KCNIP4: variants seen among roughly 807,000 people sequenced by gnomAD.
KCNIP4 encodes potassium voltage-gated channel interacting protein 4.
KCNIP4 carries 12 observed loss-of-function variants against 34.0 expected under a neutral mutation model. The ratio of observed to expected loss-of-function variants is 0.35; its 90% CI spans 0.23 to 0.57. KCNIP4 has a LOEUF of 0.57. Among genes scored for constraint, KCNIP4 ranks in the 20% least tolerant of loss-of-function variants. The probability of loss-of-function intolerance (pLI) is 0.83; values close to 1 mark genes in which losing one functional copy is unlikely to be tolerated. For missense variants in KCNIP4, 238 were observed against 311.7 expected (o/e 0.76, Z 1.78); for synonymous variants, 124 against 102.2 (o/e 1.21, Z -1.29).
chr4:21,725,733 A>T (rs907795887), intron 1 of KCNIP4, among the ~76,000 whole-genome samples: 2 of 152,180 alleles, frequency 1.3e-5, no homozygotes, highest in Admixed American at 6.6e-5. Flanking sequence ...ATTTCCCCTT[A>T]GAACAGTTCA....
chr4:21,097,196 A>T (rs1046994306), intron 1 of KCNIP4, among the ~76,000 whole-genome samples: 1 of 152,154 alleles, frequency 6.6e-6, no homozygotes, highest in Non-Finnish European at 1.5e-5. Flanking sequence ...AACAGGCCAA[A>T]TGTCCATCAG....
chr4:20,967,102 C>T (rs945761977), intron 1 of KCNIP4, among the ~76,000 whole-genome samples: 43 of 152,106 alleles, frequency 2.8e-4, no homozygotes. Context: ...TAAAAGGACC[C>T]TGGGCAACTC....
At chr4:21,224,096 C>A (rs1430753632) in intron 1 of KCNIP4, among the ~76,000 whole-genome samples, 2 of 152,116 alleles carry the variant, frequency 1.3e-5, no homozygotes, top group Admixed American at 1.3e-4. Flanking sequence ...GTTACCTCAT[C>A]CTCAGTTTTA....
rs28632151 is a variant in KCNIP4, at chr4:21,714,258, C to T, written c.61+234313G>A. 9.1e-3 allele frequency among the ~76,000 whole-genome samples: 1,383 copies of T among 152,236 alleles called. 23 individuals are homozygous for T. The highest frequency in any genetic ancestry group is 0.032 in the African/African-American group (1,320 of 41,524). The stretch of plus-strand genomic sequence containing the variant: ...CCTAGTGGTAAGTTCTCCCTCATAG[C>T]AGCTAGGAACATTCCATCTCTCCCT... On this transcript the variant is annotated intron_variant, in intron 1 of 8. Coordinates refer to ENST00000382152, the MANE Select transcript of KCNIP4 (RefSeq NM_025221.6).
intron 1 of KCNIP4, among the ~76,000 whole-genome samples, chr4:20,979,484 C>G (rs1347306770): frequency 1.3e-5 from 2 of 151,264 alleles, no homozygotes; most frequent in South Asian, 2.1e-4. Context: ...CTGCAAGCTC[C>G]GCCTCCCGGG....
intron 1 of KCNIP4, among the ~76,000 whole-genome samples, chr4:21,495,027 A>AGCAAGTTGTAAATATT (rs1732741131): frequency 6.6e-6 from 1 of 152,162 alleles, no homozygotes; most frequent in Non-Finnish European, 1.5e-5. Flanking sequence ...AAGACAGTAC[A>AGCAAGTTGTAAATATT]GCAAGTTGTA....
intron 1 of KCNIP4, among the ~76,000 whole-genome samples, chr4:21,854,627 C>G (rs1202047847): frequency 6.6e-6 from 1 of 152,166 alleles, no homozygotes; most frequent in East Asian, 1.9e-4. Flanking sequence ...CCTTGGCACA[C>G]CATTCTTTGT....
chr4:20,834,974 G>A lies in KCNIP4; in HGVS notation c.288+15569C>T, dbSNP rs377416986. On this transcript the variant is annotated intron_variant, in intron 3 of 8. Transcript: ENST00000382152. ...AGGCTTTCAGGTGCTTCTCTCTTAC[G>A]AGGCCTGGTACTAATGTTTTCATTC... Among the ~76,000 whole-genome samples, 32 of 152,040 alleles carry A rather than the reference G, an allele frequency of 2.1e-4. 1 individual carries two copies. Among genetic ancestry groups the A allele is most frequent in the East Asian group, 7.7e-4 (4 of 5,162 alleles).
chr4:20,817,738 A>T (rs149050826), intron 3 of KCNIP4, among the ~76,000 whole-genome samples: 7 of 149,970 alleles, frequency 4.7e-5, no homozygotes, highest in African/African-American at 1.5e-4. Flanking sequence ...GAATAAATAT[A>T]TATATTAGAT....
At chr4:21,011,541 C>T (rs192948135) in intron 1 of KCNIP4, among the ~76,000 whole-genome samples, 7 of 152,242 alleles carry the variant, frequency 4.6e-5, no homozygotes, top group East Asian at 1.9e-4. Context: ...TAAATGATTA[C>T]GTATAATTTA....
At chr4:21,255,722 T>C (rs1577971817) in intron 1 of KCNIP4, among the ~76,000 whole-genome samples, 1 of 152,084 alleles carries the variant, frequency 6.6e-6, no homozygotes, top group African/African-American at 2.4e-5. Flanking sequence ...TATGTGCTCA[T>C]TGAACAGACA....
intron 1 of KCNIP4, among the ~76,000 whole-genome samples, chr4:21,918,384 T>C (rs1438683619): frequency 6.6e-6 from 1 of 152,174 alleles, no homozygotes; most frequent in Non-Finnish European, 1.5e-5. Flanking sequence ...CTGATAAGAT[T>C]GGACAACTAG....
chr4:21,502,014 C>G (rs550535973), intron 1 of KCNIP4, among the ~76,000 whole-genome samples: 1 of 144,788 alleles, frequency 6.9e-6, no homozygotes, highest in Non-Finnish European at 1.5e-5. Flanking sequence ...CACACACACA[C>G]AAGCACACAC....
intron 1 of KCNIP4, among the ~76,000 whole-genome samples, chr4:21,590,120 A>G (rs1262550151): frequency 6.6e-6 from 1 of 151,984 alleles, no homozygotes; most frequent in Non-Finnish European, 1.5e-5. Flanking sequence ...AAAAAAGTAT[A>G]TTAAAGGATT....
chr4:21,762,100 T>G (rs957895323), intron 1 of KCNIP4, among the ~76,000 whole-genome samples: 2 of 152,168 alleles, frequency 1.3e-5, no homozygotes, highest in African/African-American at 4.8e-5. Flanking sequence ...AATTTTATTT[T>G]TCTAGTAGCC....
chr4:20,963,504 G>A (rs993323280), intron 1 of KCNIP4, among the ~76,000 whole-genome samples: 1 of 151,790 alleles, frequency 6.6e-6, no homozygotes, highest in Non-Finnish European at 1.5e-5. Flanking sequence ...AAATAACAAT[G>A]ATTTATTAAT....
At position 21,356,784 on chromosome 4, in the gene KCNIP4, A is replaced by C. The variant is rs575947051; in HGVS notation, c.62-474075T>G. 3.3e-5 allele frequency among the ~76,000 whole-genome samples: 5 copies of C among 152,308 alleles called. 1 individual carries two copies. In the South Asian group the frequency reaches 1.0e-3, roughly 32 times the overall value. On this transcript the variant is annotated intron_variant, in intron 1 of 8. Coordinates refer to ENST00000382152, the MANE Select transcript of KCNIP4 (RefSeq NM_025221.6). ...TCAATGCCATCCCCATCAAGCTACC[A>C]ATGACTTTCTTCACAGAATTGGAAA...
At chr4:21,295,902 G>C (rs2109224645) in intron 1 of KCNIP4, among the ~76,000 whole-genome samples, 1 of 148,544 alleles carries the variant, frequency 6.7e-6, no homozygotes, top group Non-Finnish European at 1.5e-5. Context: ...GACCACAATA[G>C]AGGCACATGC....
In KCNIP4 at chr4:20,878,907, A is replaced by G. The variant is rs534114859; in HGVS notation, c.163+3701T>C. On this transcript the variant is annotated intron_variant, in intron 2 of 8. Coordinates refer to ENST00000382152, the MANE Select transcript of KCNIP4 (RefSeq NM_025221.6). The stretch of plus-strand genomic sequence containing the variant: ...AAAAAAGTGAAATTAAAAGATATTC[A>G]GAGAGAACACTGACCAGAGTTTAGT... Among the ~76,000 whole-genome samples, 3 of 152,282 alleles carry G rather than the reference A, an allele frequency of 2.0e-5. No individual in the cohort carries two copies. In the South Asian group the frequency reaches 6.2e-4, roughly 32 times the overall value.
Sources: allele counts gnomAD v4.1 joint callset (sites outside exome capture counted in the v4.1 genomes callset), GRCh38; gene constraint gnomAD v4.1.1; transcripts MANE v1.5; gene names NCBI Gene and HGNC (gene_info 2026-07-23, HGNC 2026-07-21).